KCNH5: variants seen among roughly 807,000 people sequenced by gnomAD.
KCNH5 encodes the protein potassium voltage-gated channel subfamily H member 5, also known as voltage-gated delayed rectifier potassium channel KCNH5.
In KCNH5, 46 loss-of-function variants were observed where a neutral mutation model predicts 96.1. The observed-to-expected ratio is 0.48, with a 90% CI of 0.38 to 0.61. KCNH5 has a LOEUF of 0.61. KCNH5 is among the 20% of genes least tolerant of loss of function. The pLI, the probability that KCNH5 is intolerant of heterozygous loss-of-function variation, is 0.00. For synonymous variants in KCNH5, 439 were observed against 449.8 expected, an observed-to-expected ratio of 0.98 and a Z score of 0.30; for missense variants, 907 against 1,225.8, an observed-to-expected ratio of 0.74 and a Z score of 3.88.
At chr14:62,876,746 C>T (rs1439654090) in intron 7 of KCNH5, among the ~76,000 whole-genome samples, 1 of 152,042 alleles carries the variant, frequency 6.6e-6, no homozygotes, top group East Asian at 1.9e-4. Context: ...ATCAGTGAAA[C>T]AGAATAGAGT....
At chr14:62,910,898 A>G (rs1889136162) in intron 7 of KCNH5, among the ~76,000 whole-genome samples, 1 of 78,314 alleles carries the variant, frequency 1.3e-5, no homozygotes, top group Admixed American at 1.2e-4. Context: ...GTGTGCATAC[A>G]CCACACACAC....
At chr14:62,932,518 T>C (rs774724582) in intron 7 of KCNH5, among the ~76,000 whole-genome samples, 1 of 123,314 alleles carries the variant, frequency 8.1e-6, no homozygotes, top group African/African-American at 3.1e-5. Flanking sequence ...GGAGATCCAA[T>C]AGCCAAATAA....
chr14:62,896,962 T>A (rs1293032443), intron 7 of KCNH5, among the ~76,000 whole-genome samples: 1 of 152,164 alleles, frequency 6.6e-6, no homozygotes, highest in Admixed American at 6.5e-5. Flanking sequence ...ATGAGGAATA[T>A]ACATAACAAG....
At chr14:62,969,929 G>C (rs989389190) in intron 6 of KCNH5, among the ~76,000 whole-genome samples, 26 of 149,594 alleles carry the variant, frequency 1.7e-4, no homozygotes, top group Non-Finnish European at 3.4e-4. Flanking sequence ...AGGCGTGGTG[G>C]CATGCGCCTG....
In KCNH5 at chr14:63,045,369, G is replaced by T; in HGVS notation, c.-183C>A. The T allele has an allele frequency of 1.6e-6, 1 of 623,804 alleles. No homozygotes were observed. Among genetic ancestry groups the T allele is most frequent in the Non-Finnish European group, 2.9e-6 (1 of 346,322 alleles). 38.6% of individuals were successfully genotyped at this position (623,804 alleles called of 1,614,324 possible). ...CCCGACCCGGATGAGCAGCTCTGGG[G>T]AGGAGGACCAGGCAGTTCATGGTAG... On this transcript the variant is annotated 5_prime_UTR_variant, in exon 1 of 11. Transcript: ENST00000322893.
At chr14:62,908,149 C>CA (rs545983831) in intron 7 of KCNH5, among the ~76,000 whole-genome samples, 8 of 151,554 alleles carry the variant, frequency 5.3e-5, no homozygotes, top group Non-Finnish European at 8.8e-5. Flanking sequence ...TTTATTTGAC[C>CA]AAAAAAGGGG....
chr14:62,895,566 C>G (rs1462173009), intron 7 of KCNH5, among the ~76,000 whole-genome samples: 2 of 152,154 alleles, frequency 1.3e-5, no homozygotes, highest in Non-Finnish European at 2.9e-5. Flanking sequence ...CTCCTGACCT[C>G]AGGTGATCCA....
intron 7 of KCNH5, among the ~76,000 whole-genome samples, chr14:62,861,637 TACACACACACACAC>T (rs142699720): frequency 4.6e-4 from 65 of 141,916 alleles, no homozygotes; most frequent in East Asian, 1.2e-3. Context: ...CATCTCCATT[TACACACACACACAC>T]ACACACACAC....
intron 2 of KCNH5, among the ~76,000 whole-genome samples, chr14:63,016,609 T>C (rs1891330851): frequency 1.3e-5 from 2 of 152,104 alleles, no homozygotes; most frequent in South Asian, 4.1e-4. Context: ...TTGAATGAAT[T>C]GATTAACTCA....
At chr14:62,833,057 T>G (rs1374136808) in intron 8 of KCNH5, among the ~76,000 whole-genome samples, 1 of 152,042 alleles carries the variant, frequency 6.6e-6, no homozygotes. Context: ...TATTTTTTCT[T>G]ATTATATAGG....
At chr14:62,832,967 T>TTAAA (rs1887386856) in intron 8 of KCNH5, among the ~76,000 whole-genome samples, 1 of 141,684 alleles carries the variant, frequency 7.1e-6, no homozygotes, top group Non-Finnish European at 1.5e-5. Context: ...TTTGGTTATT[T>TTAAA]GTGGGTTTTT....
At chr14:62,889,567 T>C (rs1179886716) in intron 7 of KCNH5, among the ~76,000 whole-genome samples, 3 of 151,614 alleles carry the variant, frequency 2.0e-5, no homozygotes, top group Admixed American at 2.0e-4. Flanking sequence ...CGGCCTGGAG[T>C]TTTAGATGCT....
intron 9 of KCNH5, among the ~76,000 whole-genome samples, chr14:62,799,726 T>TATATATATAC (rs1213484157): frequency 0.015 from 1,057 of 68,228 alleles, 13 homozygotes; most frequent in South Asian, 0.027. Context: ...TATATATATA[T>TATATATATAC]ACACACACAC....
chr14:62,925,741 G>T (rs997531827), intron 7 of KCNH5, among the ~76,000 whole-genome samples: 6 of 152,064 alleles, frequency 3.9e-5, no homozygotes, highest in African/African-American at 1.2e-4. Context: ...AATAAAGCTT[G>T]TAATCAAGCC....
chr14:62,954,728 C>T (rs571727206), intron 6 of KCNH5, among the ~76,000 whole-genome samples: 9 of 152,128 alleles, frequency 5.9e-5, no homozygotes, highest in African/African-American at 1.4e-4. Flanking sequence ...CTCGGTAATT[C>T]GTAAAGGAAA....
chr14:62,799,726 T>TATATATATACAC lies in KCNH5; in HGVS notation c.1822+2602_1822+2603insGTGTATATATAT, dbSNP rs1213484157. On this transcript the variant is annotated intron_variant, in intron 9 of 10. Transcript: ENST00000322893. ...ATATATATATATATATATATATATA[T>TATATATATACAC]ACACACACACACACACACATATCAG... Among the ~76,000 whole-genome samples, 120 of 68,616 alleles carry TATATATATACAC rather than the reference T, an allele frequency of 1.7e-3. 1 individual carries two copies. Among genetic ancestry groups the TATATATATACAC allele is most frequent in the Middle Eastern group, 0.01 (1 of 100 alleles). 45.0% of individuals were successfully genotyped at this position (68,616 alleles called of 152,430 possible).
At chr14:62,721,476 TTCTCTCTC>T (rs374712325) in intron 10 of KCNH5, among the ~76,000 whole-genome samples, 1 of 135,638 alleles carries the variant, frequency 7.4e-6, no homozygotes, top group Non-Finnish European at 1.6e-5. Flanking sequence ...TCATGTTTCT[TTCTCTCTC>T]TCTCTCACTC....
At position 62,779,860 on chromosome 14, in the gene KCNH5, G is replaced by T; in HGVS notation, c.1887C>A (p.Asn629Lys). 1.2e-6 allele frequency: 2 copies of T among 1,613,584 alleles called. No homozygotes were observed. Among genetic ancestry groups the T allele is most frequent in the Non-Finnish European group, 1.7e-6 (2 of 1,179,714 alleles). Reference protein sequence around the residue: ...KETTLAHACANVRALTYCDLH... With the variant: ...KETTLAHACAKVRALTYCDLH... ...GGTCACAGTACGTCAGTGCCCGGAC[G>T]TTCGCACATGCATGGGCAAGGGTGG... Residue 629 changes from asparagine to lysine, a missense_variant, in exon 10 of 11, where the codon AAC becomes AAA. Physicochemically the swap from Asn to Lys is moderately conservative, Grantham distance 94. Transcript: ENST00000322893.
intron 7 of KCNH5, among the ~76,000 whole-genome samples, chr14:62,877,611 C>T (rs1888402232): frequency 6.6e-6 from 1 of 152,084 alleles, no homozygotes; most frequent in African/African-American, 2.4e-5. Flanking sequence ...CAATCACTGG[C>T]CATCAGAGAA....
Sources: gnomAD v4.1 joint callset for allele counts (sites outside exome capture counted in the v4.1 genomes callset) on GRCh38, gnomAD v4.1.1 for gene constraint, MANE v1.5 for transcripts, NCBI Gene and HGNC (gene_info 2026-07-23, HGNC 2026-07-21) for gene names.